Variants in SLC12A1 observed in about 807,000 individuals in gnomAD.
The protein encoded by SLC12A1 is Na-K-2Cl cotransporter.
SLC12A1 carries 89 observed loss-of-function variants against 130.4 expected under a neutral mutation model. The ratio of observed to expected loss-of-function variants is 0.68; its 90% CI spans 0.58 to 0.81. SLC12A1 has a LOEUF of 0.81. Among genes scored for constraint, SLC12A1 ranks in the 40% least tolerant of loss-of-function variants. SLC12A1 has a pLI of 0.00. For missense variants in SLC12A1, 1,310 were observed against 1,336.4 expected (o/e 0.98, Z 0.31); for synonymous variants, 499 against 460.0 (o/e 1.08, Z -1.09).
intron 7 of SLC12A1, among the ~76,000 whole-genome samples, chr15:48,231,619 C>A (rs970463913): frequency 1.3e-5 from 2 of 152,052 alleles, no homozygotes; most frequent in Non-Finnish European, 2.9e-5. Flanking sequence ...ATTGCCTACT[C>A]CATAAGGTTG....
At chr15:48,249,498 G>A (rs1431621364) in intron 13 of SLC12A1, 77 bp from the exon 14 acceptor site, 3 of 1,064,176 alleles carry the variant, frequency 2.8e-6, no homozygotes, top group Non-Finnish European at 2.9e-6. Context: ...ATAAATTCAA[G>A]CTTCGAGGCT....
chr15:48,215,352 T>A (rs1215001846), intron 2 of SLC12A1, among the ~76,000 whole-genome samples: 3 of 152,244 alleles, frequency 2.0e-5, no homozygotes, highest in Non-Finnish European at 4.4e-5. Context: ...TTTTTAAACA[T>A]ACTTTATTTT....
intron 4 of SLC12A1, chr15:48,224,734 G>A (rs905350065): frequency 6.6e-6 from 1 of 152,152 alleles, no homozygotes; most frequent in East Asian, 1.9e-4. Flanking sequence ...AATAGGAAGG[G>A]ATCGAGAGCT....
chr15:48,219,412 T>C (rs1033901536), intron 2 of SLC12A1, among the ~76,000 whole-genome samples: 1 of 151,956 alleles, frequency 6.6e-6, no homozygotes, highest in Admixed American at 6.6e-5. Flanking sequence ...AAAAAGTACC[T>C]TGGCGTGGTG....
At chr15:48,220,164 T>TAGAC (rs2041190453) in intron 2 of SLC12A1, among the ~76,000 whole-genome samples, 2 of 147,958 alleles carry the variant, frequency 1.4e-5, no homozygotes, top group South Asian at 2.1e-4. Context: ...GATAGATAGA[T>TAGAC]AGATAGATAG....
In SLC12A1 at chr15:48,274,573, A is replaced by G. The variant is rs369637809; in HGVS notation, c.2405A>G (p.Asp802Gly). 1.9e-4 allele frequency: 299 copies of G among 1,610,678 alleles called. 2 individuals are homozygous for G. Among genetic ancestry groups the G allele is most frequent in the Non-Finnish European group, 2.5e-4 (292 of 1,177,834 alleles). ...EIENYVGIIH[D>G]AFDFEIGVVI... ...GACTGCTTTGCTTCCTCTTTCAGTG[A>G]TGCATTTGATTTTGAGATTGGCGTG... Residue 802 changes from aspartate to glycine, a missense_variant and splice_region_variant, in exon 20 of 27, where the codon GAT becomes GGT. Transcript: ENST00000380993.
intron 17 of SLC12A1, among the ~76,000 whole-genome samples, chr15:48,266,507 G>T (rs544438275): frequency 6.8e-6 from 1 of 147,942 alleles, no homozygotes; most frequent in Non-Finnish European, 1.5e-5. Flanking sequence ...CTTTAAGACC[G>T]TGACTCCAAG....
intron 20 of SLC12A1, among the ~76,000 whole-genome samples, chr15:48,278,310 C>T (rs532070547): frequency 6.6e-6 from 1 of 152,200 alleles, no homozygotes; most frequent in Non-Finnish European, 1.5e-5. Context: ...TCACACATAG[C>T]ATTTATCATC....
chr15:48,299,285 T>C lies in SLC12A1; in HGVS notation c.3096+10T>C, dbSNP rs2042208186. The C allele has an allele frequency of 1.3e-6, 2 of 1,568,438 alleles. No individual in the cohort carries two copies. Among genetic ancestry groups the C allele is most frequent in the Non-Finnish European group, 1.7e-6 (2 of 1,164,456 alleles). ...AGCAGTCAAGGAAAAGGTAAGGATT[T>C]GTCTTTCTTAATTTTTTTGCTGTCT... On this transcript the variant is annotated intron_variant, in intron 25 of 26. Coordinates refer to ENST00000380993, the MANE Select transcript of SLC12A1 (RefSeq NM_000338.3).
At chr15:48,242,174 C>T (rs1468720330) in intron 10 of SLC12A1, among the ~76,000 whole-genome samples, 2 of 152,196 alleles carry the variant, frequency 1.3e-5, no homozygotes, top group Non-Finnish European at 2.9e-5. Context: ...TGTGTACTCA[C>T]CTGCTGTTCC....
At chr15:48,280,260 C>G (rs1435864084) in intron 20 of SLC12A1, among the ~76,000 whole-genome samples, 1 of 151,720 alleles carries the variant, frequency 6.6e-6, no homozygotes, top group African/African-American at 2.4e-5. Context: ...AACTGGGTAC[C>G]ATATAATCGA....
chr15:48,228,945 T>G, intron 5 of SLC12A1: 1 of 352,786 alleles, frequency 2.8e-6, no homozygotes, highest in Non-Finnish European at 5.1e-6. Flanking sequence ...TTGTAGCTTT[T>G]TTACATTTAT....
intron 20 of SLC12A1, among the ~76,000 whole-genome samples, chr15:48,278,652 G>A (rs540560744): frequency 1.3e-5 from 2 of 152,302 alleles, no homozygotes; most frequent in South Asian, 4.1e-4. Flanking sequence ...GAACTGTTCT[G>A]TTGCGAACTT....
At chr15:48,293,445 C>G (rs1421040036) in intron 24 of SLC12A1, among the ~76,000 whole-genome samples, 1 of 152,150 alleles carries the variant, frequency 6.6e-6, no homozygotes, top group Non-Finnish European at 1.5e-5. Context: ...AGGAATCATA[C>G]AGAGGGATGT....
intron 24 of SLC12A1, among the ~76,000 whole-genome samples, chr15:48,292,228 A>C (rs1254843922): frequency 6.6e-6 from 1 of 152,218 alleles, no homozygotes; most frequent in Non-Finnish European, 1.5e-5. Flanking sequence ...CTCGTGGGGC[A>C]GCCTGGATGG....
chr15:48,220,172 TAG>T (rs1373685372), intron 2 of SLC12A1, among the ~76,000 whole-genome samples: 1 of 149,034 alleles, frequency 6.7e-6, no homozygotes, highest in African/African-American at 2.5e-5. Context: ...GATAGATAGA[TAG>T]ATAGATAGAT....
intron 14 of SLC12A1, among the ~76,000 whole-genome samples, 195 bp from the exon 15 acceptor site, chr15:48,251,420 T>C (rs1194210578): frequency 2.0e-5 from 3 of 152,092 alleles, no homozygotes; most frequent in Non-Finnish European, 4.4e-5. Flanking sequence ...CTTTACAGCA[T>C]TCTATTTGGT....
chr15:48,226,753 C>A, intron 5 of SLC12A1, 182 bp downstream of exon 5: 2 of 628,870 alleles, frequency 3.2e-6, no homozygotes, highest in Non-Finnish European at 5.6e-6. Flanking sequence ...CTACTCTGGT[C>A]TCTTTTCTAA....
chr15:48,282,104 A>G (rs924096231), intron 20 of SLC12A1, among the ~76,000 whole-genome samples: 2 of 152,230 alleles, frequency 1.3e-5, no homozygotes, highest in South Asian at 2.1e-4. Flanking sequence ...ATTAACTTGA[A>G]TAAGAACTTG....
Sources: gnomAD v4.1 joint callset for allele counts (sites outside exome capture counted in the v4.1 genomes callset) on GRCh38, gnomAD v4.1.1 for gene constraint, MANE v1.5 for transcripts, NCBI Gene and HGNC (gene_info 2026-07-23, HGNC 2026-07-21) for gene names.